KDM5A: variants seen among roughly 807,000 people sequenced by gnomAD.
KDM5A encodes the protein lysine-specific demethylase 5A.
A neutral mutation model predicts 193.5 loss-of-function variants in KDM5A; 42 were observed. The ratio of observed to expected loss-of-function variants is 0.22; its 90% CI spans 0.17 to 0.28. The LOEUF (loss-of-function observed/expected upper bound fraction) is 0.28, where lower values mean the gene tolerates loss of function less well. Among genes scored for constraint, KDM5A ranks in the 10% least tolerant of loss-of-function variants. KDM5A has a pLI of 1.00. For missense variants in KDM5A, 1,692 were observed against 2,055.1 expected (o/e 0.82, Z 3.42); for synonymous variants, 796 against 718.1 (o/e 1.11, Z -1.73).
At chr12:291,013 A>G (rs1943286497) in intron 27 of KDM5A, among the ~76,000 whole-genome samples, 2 of 152,238 alleles carry the variant, frequency 1.3e-5, no homozygotes. Context: ...TGATACCCAA[A>G]GAGAAAGTTA....
chr12:341,204 C>A (rs1944000390), intron 10 of KDM5A, among the ~76,000 whole-genome samples: 1 of 152,128 alleles, frequency 6.6e-6, no homozygotes, highest in African/African-American at 2.4e-5. Context: ...ATAATGAGAT[C>A]ACTACCTTCC....
In KDM5A at chr12:354,746, A is replaced by G. The variant is rs139799416; in HGVS notation, c.870+412T>C. On this transcript the variant is annotated intron_variant, in intron 7 of 27. Coordinates refer to ENST00000399788, the MANE Select transcript of KDM5A (RefSeq NM_001042603.3). The stretch of plus-strand genomic sequence containing the variant: ...CGCACCACTGCACTCCAGCCTGGGC[A>G]ACAGCAAGACTCCGTCTCAAAAAAA... Among the ~76,000 whole-genome samples the G allele has an allele frequency of 4.9e-3, 717 of 145,580 alleles. 5 individuals carry two copies. Among genetic ancestry groups the G allele is most frequent in the African/African-American group, 0.016 (625 of 39,664 alleles).
Position 334,420 on chromosome 12 carries a change from T to C in KDM5A, c.1311A>G (p.Glu437=). Reference sequence around the variant, plus strand: ...TCAAATTCCAACCAGAAAGTGCATATTCCTATAAGAGAAGAAAAAACTGTA... The same window carrying C: ...TCAAATTCCAACCAGAAAGTGCATACTCCTATAAGAGAAGAAAAAACTGTA... ...GRRKILPEEE[E]YALSGWNLNN... is the part of the protein sequence containing the mutation. Residue 437 remains glutamate, a splice_region_variant and synonymous_variant, in exon 11 of 28, where the codon GAA becomes GAG. Transcript: ENST00000399788. 3 of 1,612,544 alleles carry C rather than the reference T, an allele frequency of 1.9e-6. No individual in the cohort carries two copies. In the Admixed American group the frequency reaches 5.0e-5, roughly 27 times the overall value.
chr12:298,885 C>G (rs575037561), intron 24 of KDM5A, among the ~76,000 whole-genome samples: 1 of 151,762 alleles, frequency 6.6e-6, no homozygotes, highest in Non-Finnish European at 1.5e-5. Flanking sequence ...AAACACAGCA[C>G]GAGAACTTCG....
intron 4 of KDM5A, among the ~76,000 whole-genome samples, chr12:364,394 T>G (rs1944326656): frequency 6.6e-6 from 1 of 151,726 alleles, no homozygotes; most frequent in Non-Finnish European, 1.5e-5. Flanking sequence ...GGAGAATCAC[T>G]TGAAACCGGG....
Position 307,382 on chromosome 12 carries a change from A to AC in KDM5A, c.3930+71dup, listed in dbSNP as rs955237217. 20 of 1,474,870 alleles carry AC rather than the reference A, an allele frequency of 1.4e-5. No homozygotes were observed. Among genetic ancestry groups the AC allele is most frequent in the Non-Finnish European group, 1.9e-5 (20 of 1,056,714 alleles). 91.4% of individuals were successfully genotyped at this position (1,474,870 alleles called of 1,614,324 possible). ...GTTATTTTCCTAATCAATTGGTAAG[A>AC]CAGACTCAATTTACTATTTATACAC... On this transcript the variant is annotated intron_variant, in intron 23 of 27. Coordinates refer to ENST00000399788, the MANE Select transcript of KDM5A (RefSeq NM_001042603.3). This position sits in a 1 kb window ranked among gnomAD's most constrained non-coding sequence, Gnocchi z 4.3.
rs1274434535 is a variant in KDM5A, at chr12:321,069, C to T, written c.2467G>A (p.Val823Met). ...TGGACAAAGGCCTTCAATTCTTCCA[C>T]TGTCAGTTTGGTCCGAGTCCTCCCA... Reference protein sequence around the residue: ...DSGRTRTKLTVEELKAFVQQL... With the variant: ...DSGRTRTKLTMEELKAFVQQL... Residue 823 changes from valine (V) to methionine (M), a missense_variant, in exon 18 of 28, where the codon GTG becomes ATG. Physicochemically the swap from Val to Met is conservative, Grantham distance 21 (BLOSUM62 1). This residue lies in a region of KDM5A where 965 missense variants were observed against 1,061.0 expected (regional missense o/e 0.91). Transcript: ENST00000399788. 1 of 1,614,036 alleles carries T rather than the reference C, an allele frequency of 6.2e-7. No individual in the cohort carries two copies. Among genetic ancestry groups the T allele is most frequent in the South Asian group, 1.1e-5 (1 of 91,088 alleles).
chr12:375,040 G>T (rs1443126039), intron 3 of KDM5A, among the ~76,000 whole-genome samples: 4 of 152,106 alleles, frequency 2.6e-5, no homozygotes, highest in African/African-American at 9.7e-5. Context: ...TGGTGAATCT[G>T]ACAATTATGT....
chr12:359,581 C>T (rs1944268351), intron 5 of KDM5A, among the ~76,000 whole-genome samples: 1 of 151,594 alleles, frequency 6.6e-6, no homozygotes, highest in Admixed American at 6.6e-5. Context: ...CCTGTCTCTA[C>T]AAACATACAA....
intron 1 of KDM5A, 50 bp downstream of exon 1, chr12:388,877 G>A (rs1944685446): frequency 6.3e-7 from 1 of 1,587,172 alleles, no homozygotes. Flanking sequence ...CCCAGTGTAC[G>A]GACTCCCCCA....
intron 3 of KDM5A, among the ~76,000 whole-genome samples, chr12:371,763 T>C (rs1375361356): frequency 1.3e-5 from 2 of 152,216 alleles, no homozygotes; most frequent in African/African-American, 4.8e-5. Flanking sequence ...TTAATCCATC[T>C]TCAATTAATT....
chr12:326,586 G>T (rs1565534820), intron 14 of KDM5A, among the ~76,000 whole-genome samples: 1 of 152,210 alleles, frequency 6.6e-6, no homozygotes. Context: ...TTTTGGCCGG[G>T]CACGGCGGCT....
intron 10 of KDM5A, among the ~76,000 whole-genome samples, chr12:335,533 A>G (rs1277539688): frequency 6.6e-6 from 1 of 152,178 alleles, no homozygotes. Context: ...CTGAATGTGG[A>G]TGTCAGGAAC....
At chr12:346,805 T>G (rs1490542356) in intron 10 of KDM5A, among the ~76,000 whole-genome samples, 1 of 152,246 alleles carries the variant, frequency 6.6e-6, no homozygotes, top group Non-Finnish European at 1.5e-5. Context: ...CCACAGCCAA[T>G]ATCATACTGA....
At chr12:321,207 C>T (rs2137407858) in intron 17 of KDM5A, 98 bp from the exon 18 acceptor site, 1 of 837,184 alleles carries the variant, frequency 1.2e-6, no homozygotes, top group African/African-American at 1.7e-5. Flanking sequence ...CTAAGCAATC[C>T]TAGAATCCCA....
At chr12:385,641 T>G (rs1291551991) in intron 2 of KDM5A, among the ~76,000 whole-genome samples, 2 of 152,158 alleles carry the variant, frequency 1.3e-5, no homozygotes, top group Non-Finnish European at 2.9e-5. Flanking sequence ...TAAGAAACAC[T>G]AGAGAAAGTA....
At chr12:362,446 C>T (rs1243989767) in intron 5 of KDM5A, among the ~76,000 whole-genome samples, 3 of 152,046 alleles carry the variant, frequency 2.0e-5, no homozygotes, top group Non-Finnish European at 2.9e-5. Flanking sequence ...ATGGCTCAGA[C>T]ACTAAGAAAT....
rs372588426 is a variant in KDM5A, at chr12:328,882, G to C, written c.1921C>G (p.Leu641Val). 2 of 1,614,176 alleles carry C rather than the reference G, an allele frequency of 1.2e-6. No individual in the cohort carries two copies. The highest frequency in any genetic ancestry group is 2.2e-5 in the East Asian group (1 of 44,888). ...LAAMVCKELT[L>V]MTEEETRLRE... ...AATCGTGTTTCTTCTTCAGTCATGA[G>C]AGTCAATTCTTTGCAGACCATGGCA... is the stretch of plus-strand genomic sequence containing the variant. The change falls in exon 14 of 28, where the codon CTC becomes GTC. Residue 641 changes from leucine to valine, a missense_variant. This residue lies in a region of KDM5A where 88 missense variants were observed against 124.6 expected (regional missense o/e 0.71). Transcript: ENST00000399788.
chr12:380,058 A>G (rs1471388765), intron 3 of KDM5A, among the ~76,000 whole-genome samples: 1 of 151,892 alleles, frequency 6.6e-6, no homozygotes, highest in Non-Finnish European at 1.5e-5. Context: ...ACTTGAGATC[A>G]GGAGTTCGTG....
Sources: gnomAD v4.1 joint callset for allele counts (sites outside exome capture counted in the v4.1 genomes callset) on GRCh38, gnomAD v4.1.1 for gene constraint, gnomAD v4.1.1 regional missense constraint, Gnocchi (gnomAD v3.1) non-coding constraint, MANE v1.5 for transcripts, NCBI Gene and HGNC (gene_info 2026-07-23, HGNC 2026-07-21) for gene names.